SRGAP1: variants seen among roughly 807,000 people sequenced by gnomAD.
SRGAP1 encodes the protein SLIT-ROBO Rho GTPase-activating protein 1.
In SRGAP1, 43 loss-of-function variants were observed where a neutral mutation model predicts 121.9. The ratio of observed to expected loss-of-function variants is 0.35; its 90% confidence interval spans 0.28 to 0.46. The LOEUF (loss-of-function observed/expected upper bound fraction) is 0.46. Ranked by LOEUF, SRGAP1 falls within the 20% of genes least tolerant of loss-of-function variation. The pLI, the probability that SRGAP1 is intolerant of heterozygous loss-of-function variation, is 1.00. For missense variants in SRGAP1, 1,102 were observed against 1,350.9 expected, an observed-to-expected ratio of 0.82 and a Z score of 2.89; for synonymous variants, 447 against 485.4, an observed-to-expected ratio of 0.92 and a Z score of 1.04.
chr12:64,040,740 A>T (rs1182585523), intron 4 of SRGAP1, among the ~76,000 whole-genome samples: 2 of 152,168 alleles, frequency 1.3e-5, no homozygotes, highest in South Asian at 4.1e-4. Flanking sequence ...AAAATAATGA[A>T]TAGCTTGTTT....
intron 1 of SRGAP1, among the ~76,000 whole-genome samples, chr12:63,873,681 T>C (rs1414620744): frequency 1.3e-5 from 2 of 151,942 alleles, no homozygotes; most frequent in Non-Finnish European, 2.9e-5. Context: ...ATTTATTTAT[T>C]TTTTTGAGAT....
At chr12:63,957,321 T>G (rs1443585541) in intron 1 of SRGAP1, among the ~76,000 whole-genome samples, 4 of 152,176 alleles carry the variant, frequency 2.6e-5, no homozygotes, top group African/African-American at 9.7e-5. Flanking sequence ...GGCTTCTGCC[T>G]CCTTGGCACA....
At chr12:63,890,382 C>T (rs1219507845) in intron 1 of SRGAP1, among the ~76,000 whole-genome samples, 2 of 152,188 alleles carry the variant, frequency 1.3e-5, no homozygotes, top group Non-Finnish European at 2.9e-5. Flanking sequence ...CTTTTCCCTC[C>T]TCCATGCCAT....
intron 4 of SRGAP1, 65 bp downstream of exon 4, chr12:64,017,077 TG>T: frequency 1.1e-6 from 1 of 945,512 alleles, no homozygotes; most frequent in Non-Finnish European, 1.6e-6. Flanking sequence ...GTAAAAACAC[TG>T]CTCATTGTAG....
chr12:63,930,156 T>G (rs1382600403), intron 1 of SRGAP1, among the ~76,000 whole-genome samples: 1 of 152,110 alleles, frequency 6.6e-6, no homozygotes, highest in Non-Finnish European at 1.5e-5. Context: ...TGCTTCATTT[T>G]GTTTTCACAG....
intron 1 of SRGAP1, among the ~76,000 whole-genome samples, chr12:63,850,928 G>C (rs1428365933): frequency 2.6e-5 from 4 of 152,114 alleles, no homozygotes; most frequent in Non-Finnish European, 5.9e-5. Context: ...GGCCGAGGCG[G>C]GTGGATTGCT....
chr12:63,900,418 A>G (rs985695096), intron 1 of SRGAP1, among the ~76,000 whole-genome samples: 1 of 151,426 alleles, frequency 6.6e-6, no homozygotes, highest in African/African-American at 2.4e-5. Flanking sequence ...TGTTAGCCAG[A>G]TAGTATCAAT....
At chr12:63,880,129 C>T (rs1900146126) in intron 1 of SRGAP1, among the ~76,000 whole-genome samples, 1 of 152,212 alleles carries the variant, frequency 6.6e-6, no homozygotes, top group African/African-American at 2.4e-5. Context: ...CCCCTGCACA[C>T]ACTCTCTAGC....
At chr12:63,910,873 C>G (rs573399853) in intron 1 of SRGAP1, among the ~76,000 whole-genome samples, 8 of 152,186 alleles carry the variant, frequency 5.3e-5, no homozygotes, top group African/African-American at 1.9e-4. Context: ...GGGCCTACCC[C>G]AGAGTGGAAG....
At position 64,157,087 on chromosome 12, in the gene SRGAP1, C is replaced by T. The variant is rs1177268531; in HGVS notation, c.*14415C>T. The T allele has an allele frequency of 6.6e-6, 1 of 152,190 alleles. No homozygotes were observed. Among genetic ancestry groups the T allele is most frequent in the Non-Finnish European group, 1.5e-5 (1 of 68,040 alleles). The allele number at this position is 152,190 out of a possible 1,614,324, so 9.4% of individuals were successfully genotyped here. A position where few individuals can be genotyped will look rare whatever the true frequency, so the allele number is the denominator to read the frequency against. On this transcript the variant is annotated 3_prime_UTR_variant, in exon 22 of 22. Transcript: ENST00000355086. ...GAAAGATCAGCGATAGTACACACGC[C>T]TTCCCATAGAGTGAGGTGGCTTTCC...
At chr12:63,898,176 G>T (rs983174162) in intron 1 of SRGAP1, among the ~76,000 whole-genome samples, 1 of 152,196 alleles carries the variant, frequency 6.6e-6, no homozygotes, top group African/African-American at 2.4e-5. Flanking sequence ...TGAGCATGAC[G>T]CAAACTTGCA....
chr12:64,078,259 A>G (rs917337960), intron 8 of SRGAP1, among the ~76,000 whole-genome samples: 2 of 152,230 alleles, frequency 1.3e-5, no homozygotes, highest in African/African-American at 4.8e-5. Context: ...AAAATAGCCC[A>G]CAACTAAAAA....
intron 1 of SRGAP1, among the ~76,000 whole-genome samples, chr12:63,881,688 T>C (rs1900199360): frequency 6.6e-6 from 1 of 152,210 alleles, no homozygotes; most frequent in Non-Finnish European, 1.5e-5. Context: ...TGTATGTAGA[T>C]TGTCAGTGTC....
chr12:64,153,613 C>A lies in SRGAP1; in HGVS notation c.*10941C>A, dbSNP rs1239417382. On this transcript the variant is annotated 3_prime_UTR_variant, in exon 22 of 22. Transcript: ENST00000355086. ...ACCACAATGAGATATCACCTCATACCCATTAGGATGGCCACTCTCAAATGA... is the reference window on the plus strand; with the variant it reads ...ACCACAATGAGATATCACCTCATACACATTAGGATGGCCACTCTCAAATGA... 6.6e-6 allele frequency: 1 copy of A among 152,042 alleles called. No individual in the cohort carries two copies. The highest frequency in any genetic ancestry group is 2.1e-4 in the South Asian group (1 of 4,810). 9.4% of individuals were successfully genotyped at this position (152,042 alleles called of 1,614,324 possible). A position where few individuals can be genotyped will look rare whatever the true frequency, so the allele number is the denominator to read the frequency against.
intron 1 of SRGAP1, among the ~76,000 whole-genome samples, chr12:63,901,654 A>G (rs1366924194): frequency 2.0e-5 from 3 of 152,206 alleles, no homozygotes; most frequent in South Asian, 2.1e-4. Context: ...TACCTCCCCA[A>G]CTGGATTGTC....
chr12:64,149,293 G>A lies in SRGAP1; in HGVS notation c.*6621G>A, dbSNP rs2037093907. 1 of 152,158 alleles carries A rather than the reference G, an allele frequency of 6.6e-6. No homozygotes were observed. Among genetic ancestry groups the A allele is most frequent in the Non-Finnish European group, 1.5e-5 (1 of 68,036 alleles). 9.4% of individuals were successfully genotyped at this position (152,158 alleles called of 1,614,324 possible). ...TTTTCTTTCTTTCCAAAAAAGCACT[G>A]TCTGATATGGAGACTGGAAATATTC... On this transcript the variant is annotated 3_prime_UTR_variant, in exon 22 of 22. Coordinates refer to ENST00000355086, the MANE Select transcript of SRGAP1 (RefSeq NM_020762.4).
intron 3 of SRGAP1, among the ~76,000 whole-genome samples, chr12:64,013,962 C>T (rs2034327849): frequency 6.6e-6 from 1 of 152,254 alleles, no homozygotes; most frequent in Non-Finnish European, 1.5e-5. Context: ...AAAGAGACCA[C>T]AAGAAAGGAC....
At chr12:63,933,088 T>A (rs1471440222) in intron 1 of SRGAP1, among the ~76,000 whole-genome samples, 1 of 152,144 alleles carries the variant, frequency 6.6e-6, no homozygotes, top group South Asian at 2.1e-4. Context: ...CTCAGGAGGC[T>A]GAAGCAGGAG....
intron 4 of SRGAP1, among the ~76,000 whole-genome samples, chr12:64,020,843 C>CAAAAAAAAAAAAAAA (rs34144761): frequency 2.9e-5 from 2 of 70,068 alleles, no homozygotes; most frequent in African/African-American, 1.1e-4. Context: ...GACTCCGTCT[C>CAAAAAAAAAAAAAAA]AAAAAAAAAA....
Sources: gnomAD v4.1 joint callset for allele counts (sites outside exome capture counted in the v4.1 genomes callset) on GRCh38, gnomAD v4.1.1 for gene constraint, MANE v1.5 for transcripts, NCBI Gene and HGNC (gene_info 2026-07-23, HGNC 2026-07-21) for gene names.